DCLRE1A: variants seen among roughly 807,000 people sequenced by gnomAD.
DCLRE1A encodes DNA cross-link repair 1A.
A neutral mutation model predicts 91.9 loss-of-function variants in DCLRE1A; 64 were observed. The ratio of observed to expected loss-of-function variants is 0.70; its 90% CI spans 0.57 to 0.86. DCLRE1A has a LOEUF of 0.86. Among genes scored for constraint, DCLRE1A ranks in the 40% least tolerant of loss-of-function variants. The pLI is 0.00. For missense variants in DCLRE1A, 1,145 were observed against 1,213.3 expected (o/e 0.94, Z 0.84); for synonymous variants, 416 against 431.1 (o/e 0.96, Z 0.43).
chr10:113,838,649 C>T (rs1049867041), intron 7 of DCLRE1A, among the ~76,000 whole-genome samples: 2 of 152,188 alleles, frequency 1.3e-5, no homozygotes, highest in Admixed American at 1.3e-4. Context: ...TATGACTTGT[C>T]TCTCTCCGTT....
Position 113,849,380 on chromosome 10 carries a change from T to C in DCLRE1A, c.1725A>G (p.Leu575=). 1 of 1,613,918 alleles carries C rather than the reference T, an allele frequency of 6.2e-7. No individual in the cohort carries two copies. Among genetic ancestry groups the C allele is most frequent in the Non-Finnish European group, 8.5e-7 (1 of 1,179,902 alleles). ...TTATCCCTTCTAATGCACTTTCCCC[T>C]AGCAATTTCTCTTCCTTTCTTTTGG... is the stretch of plus-strand genomic sequence containing the variant. ...LPPKRKEEKL[L]GESALEGINL... is the part of the protein sequence containing the mutation. Residue 575 remains leucine (L), a synonymous_variant, in exon 2 of 9, where the codon CTA becomes CTG. Coordinates refer to ENST00000361384, the MANE Select transcript of DCLRE1A (RefSeq NM_014881.5).
chr10:113,842,640 GA>G, intron 5 of DCLRE1A, 152 bp from the exon 6 acceptor site: 3 of 569,698 alleles, frequency 5.3e-6, no homozygotes, highest in Non-Finnish European at 8.5e-6. Context: ...CCTGTGGTTG[GA>G]ATTATTTGCC....
Position 113,845,706 on chromosome 10 carries a change from AC to A in DCLRE1A, c.2356del (p.Val786LeufsTer14). On this transcript the variant is annotated frameshift_variant, in exon 4 of 9. Coordinates refer to ENST00000361384, the MANE Select transcript of DCLRE1A (RefSeq NM_014881.5). LOFTEE classifies it high-confidence loss of function. ...DTECIVNGVK[V>X]VLLDANHCPG... Reference sequence around the variant, plus strand: ...TTACTGATTGGCATCAAGCAAAACAACTTTGACACCATTCACAATACATTCA... The same window carrying A: ...TTACTGATTGGCATCAAGCAAAACAATTTGACACCATTCACAATACATTCA... 6.2e-7 allele frequency: 1 copy of A among 1,614,130 alleles called. No homozygotes were observed. The highest frequency in any genetic ancestry group is 8.5e-7 in the Non-Finnish European group (1 of 1,179,984).
At position 113,849,149 on chromosome 10, in the gene DCLRE1A, T is replaced by A. The variant is rs1250126719; in HGVS notation, c.1956A>T (p.Arg652Ser). ...NSLQEGACQKRSDHLINTESE... is the reference protein window; with the variant it reads ...NSLQEGACQKSSDHLINTESE... ...ATTCTGTATTAATAAGGTGATCTGATCTCTTCTGACACGCTCCTTCCTGCA... is the reference window on the plus strand; with the variant it reads ...ATTCTGTATTAATAAGGTGATCTGAACTCTTCTGACACGCTCCTTCCTGCA... Residue 652 changes from arginine to serine, a missense_variant, in exon 2 of 9, where the codon AGA becomes AGT. Transcript: ENST00000361384. 5.0e-6 allele frequency: 8 copies of A among 1,614,126 alleles called. No individual in the cohort carries two copies. The highest frequency in any genetic ancestry group is 6.8e-6 in the Non-Finnish European group (8 of 1,180,020).
intron 4 of DCLRE1A, among the ~76,000 whole-genome samples, chr10:113,845,405 C>T (rs1263182657): frequency 6.6e-6 from 1 of 152,096 alleles, no homozygotes; most frequent in Non-Finnish European, 1.5e-5. Flanking sequence ...ACAGCAACAA[C>T]ATGTTAAAGT....
chr10:113,842,519 A>G, intron 5 of DCLRE1A, 31 bp from the exon 6 acceptor site: 1 of 1,596,598 alleles, frequency 6.3e-7, no homozygotes, highest in Non-Finnish European at 8.5e-7. Flanking sequence ...ACTTACTAAA[A>G]GAACAATAAA....
At chr10:113,846,098 T>G (rs995681157) in intron 3 of DCLRE1A, among the ~76,000 whole-genome samples, 1 of 152,132 alleles carries the variant, frequency 6.6e-6, no homozygotes, top group Non-Finnish European at 1.5e-5. Flanking sequence ...ATTCCCTACC[T>G]TGTGTTCTAG....
chr10:113,849,028 C>T lies in DCLRE1A; in HGVS notation c.2077G>A (p.Val693Ile), dbSNP rs571779693. Reference protein sequence around the residue: ...GNKKIPESSNVGGSRKKTCPF... With the variant: ...GNKKIPESSNIGGSRKKTCPF... ...CATGTCTTTTTTCTTGATCCTCCTA[C>T]ATTAGATGACTCTGGGATTTTCTTG... The change falls in exon 2 of 9, where the codon GTA (valine) becomes ATA (isoleucine). Residue 693 changes from valine (V) to isoleucine (I), a missense_variant. Val to Ile is a conservative substitution (Grantham distance 29). Coordinates refer to ENST00000361384, the MANE Select transcript of DCLRE1A (RefSeq NM_014881.5). The T allele has an allele frequency of 3.7e-6, 6 of 1,614,084 alleles. No individual in the cohort carries two copies. The highest frequency in any genetic ancestry group is 3.3e-5 in the South Asian group (3 of 91,066).
At chr10:113,841,238 C>T (rs1845439997) in intron 7 of DCLRE1A, among the ~76,000 whole-genome samples, 168 bp downstream of exon 7, 1 of 152,172 alleles carries the variant, frequency 6.6e-6, no homozygotes, top group South Asian at 2.1e-4. Flanking sequence ...CAGAGTTGCA[C>T]ATCTAGAAAA....
Position 113,845,761 on chromosome 10 carries a change from G to T in DCLRE1A, c.2302C>A (p.Gln768Lys). The T allele has an allele frequency of 6.2e-7, 1 of 1,614,102 alleles. No individual in the cohort carries two copies. Among genetic ancestry groups the T allele is most frequent in the Non-Finnish European group, 8.5e-7 (1 of 1,180,002 alleles). ...TCCAGTGGCAATGGGTGAATATATT[G>T]TTCTTGCACATGAAGCTTGTTCTTC... ...LLKNKLHVQE[Q>K]YIHPLPLDTE... The change falls in exon 4 of 9, where the codon CAA (glutamine) becomes AAA (lysine). Residue 768 changes from glutamine (Q) to lysine (K), a missense_variant. Transcript: ENST00000361384.
intron 2 of DCLRE1A, among the ~76,000 whole-genome samples, chr10:113,848,173 C>A (rs963316435): frequency 6.6e-6 from 1 of 152,052 alleles, no homozygotes; most frequent in South Asian, 2.1e-4. Flanking sequence ...AAAAATTAGC[C>A]GGGCGTTGTG....
Position 113,835,238 on chromosome 10 carries a change from T to A in DCLRE1A, c.3037A>T (p.Ile1013Leu). ...FVQWLKPQKI[I>L]PTVNVGTWKS... ...CAGGTGCCCACATTTACAGTAGGTATGATTTTCTGGGGCTTCAGCCACTGG... is the reference window on the plus strand; with the variant it reads ...CAGGTGCCCACATTTACAGTAGGTAAGATTTTCTGGGGCTTCAGCCACTGG... Residue 1013 changes from isoleucine (I) to leucine (L), a missense_variant, in exon 9 of 9, where the codon ATA becomes TTA. Coordinates refer to ENST00000361384, the MANE Select transcript of DCLRE1A (RefSeq NM_014881.5). The A allele has an allele frequency of 1.2e-6, 2 of 1,614,208 alleles. No individual in the cohort carries two copies. The highest frequency in any genetic ancestry group is 1.7e-6 in the Non-Finnish European group (2 of 1,180,030).
In DCLRE1A at chr10:113,850,206, T is replaced by A; in HGVS notation, c.899A>T (p.Tyr300Phe). ...ENDFSDCEIS[Y>F]SPLQSDEDTH... ...GTCTTCATCACTTTGAAGTGGAGAA[T>A]AGGAGATTTCACAGTCACTGAAGTC... The change falls in exon 2 of 9, where the codon TAT (tyrosine) becomes TTT (phenylalanine). Residue 300 changes from tyrosine to phenylalanine, a missense_variant. Transcript: ENST00000361384. 1 of 1,614,160 alleles carries A rather than the reference T, an allele frequency of 6.2e-7. No individual in the cohort carries two copies. The highest frequency in any genetic ancestry group is 8.5e-7 in the Non-Finnish European group (1 of 1,180,024).
At chr10:113,840,677 G>A (rs990817494) in intron 7 of DCLRE1A, among the ~76,000 whole-genome samples, 3 of 152,106 alleles carry the variant, frequency 2.0e-5, no homozygotes, top group Non-Finnish European at 1.5e-5. Context: ...TAGTCTTCCT[G>A]TCTCCATTGC....
chr10:113,846,581 C>T (rs1013274576), intron 3 of DCLRE1A, among the ~76,000 whole-genome samples: 1 of 152,022 alleles, frequency 6.6e-6, no homozygotes, highest in African/African-American at 2.4e-5. Flanking sequence ...TTATAAGCTC[C>T]TTGAAGCTCG....
Position 113,850,079 on chromosome 10 carries a change from A to T in DCLRE1A, c.1026T>A (p.Gly342=). ...AGGGACCATGTCGTTTTTTAAAAAA[A>T]CCACAGCTGTCATCATCTTCTTCGA... is the stretch of plus-strand genomic sequence containing the variant. ...GSLEEDDDSC[G]FFKKRHGPLL... Residue 342 remains glycine, a synonymous_variant, in exon 2 of 9, where the codon GGT becomes GGA. Transcript: ENST00000361384. 1.2e-6 allele frequency: 2 copies of T among 1,613,692 alleles called. No individual in the cohort carries two copies. Among genetic ancestry groups the T allele is most frequent in the Non-Finnish European group, 1.7e-6 (2 of 1,179,906 alleles).
In DCLRE1A at chr10:113,849,869, A is replaced by G; in HGVS notation, c.1236T>C (p.Pro412=). The change falls in exon 2 of 9, where the codon CCT becomes CCC. Residue 412 remains proline, a synonymous_variant. Transcript: ENST00000361384. ...CTGGDFVLFP[P]ALAGKLAASV... ...AAGCAGCAAGCTTCCCTGCCAATGC[A>G]GGTGGAAACAACACAAAATCACCAC... 6.2e-7 allele frequency: 1 copy of G among 1,614,014 alleles called. No homozygotes were observed. The highest frequency in any genetic ancestry group is 8.5e-7 in the Non-Finnish European group (1 of 1,180,034).
chr10:113,844,104 G>T lies in DCLRE1A; in HGVS notation c.2519C>A (p.Thr840Lys). 1 of 1,614,050 alleles carries T rather than the reference G, an allele frequency of 6.2e-7. No individual in the cohort carries two copies. Among genetic ancestry groups the T allele is most frequent in the Non-Finnish European group, 8.5e-7 (1 of 1,179,958 alleles). The change falls in exon 5 of 9, where the codon ACA becomes AAA. Residue 840 changes from threonine to lysine, a missense_variant and splice_region_variant. By Grantham distance (78) the Thr-to-Lys change is moderately conservative (BLOSUM62 -1). Transcript: ENST00000361384. ...AACACACAAAAAAAGCCTCTCTTAC[G>T]TGGTATCTAAGTACAGCATATGGAC... Reference protein sequence around the residue: ...QKVHMLYLDTTYCSPEYTFPS... With the variant: ...QKVHMLYLDTKYCSPEYTFPS...
At chr10:113,847,023 T>C (rs563599636) in intron 3 of DCLRE1A, among the ~76,000 whole-genome samples, 179 bp downstream of exon 3, 4 of 152,234 alleles carry the variant, frequency 2.6e-5, no homozygotes, top group Admixed American at 6.5e-5. Flanking sequence ...AGATGTTTTC[T>C]AAAAACTGAA....
Sources: gnomAD v4.1 joint callset for allele counts (sites outside exome capture counted in the v4.1 genomes callset) on GRCh38, gnomAD v4.1.1 for gene constraint, MANE v1.5 for transcripts, NCBI Gene and HGNC (gene_info 2026-07-23, HGNC 2026-07-21) for gene names.